SQOR: variants seen among roughly 807,000 people sequenced by gnomAD.
SQOR encodes sulfide:quinone oxidoreductase, mitochondrial.
Under a neutral mutation model 48.6 loss-of-function variants are expected in SQOR, and 39 were observed. The observed-to-expected ratio is 0.80, with a 90% CI of 0.62 to 1.05. SQOR has a LOEUF of 1.05. SQOR is among the 50% of genes least tolerant of loss of function. SQOR has a pLI of 0.00. For synonymous variants in SQOR, 220 were observed against 206.2 expected (o/e 1.07, Z -0.57); for missense variants, 561 against 559.9 (o/e 1.00, Z -0.02).
Position 45,691,209 on chromosome 15 carries a change from T to C in SQOR, c.*179T>C. 1.7e-6 allele frequency: 1 copy of C among 577,218 alleles called. No homozygotes were observed. Among genetic ancestry groups the C allele is most frequent in the Admixed American group, 3.1e-5 (1 of 32,776 alleles). 35.8% of individuals were successfully genotyped at this position (577,218 alleles called of 1,614,324 possible). A position where few individuals can be genotyped will look rare whatever the true frequency, so the allele number is the denominator to read the frequency against. ...GAACAGCAACCATGTGGGCTACTCA[T>C]GATGGGCTTGATTCTTTGGGAATAA... On this transcript the variant is annotated 3_prime_UTR_variant, in exon 10 of 10. Coordinates refer to ENST00000260324, the MANE Select transcript of SQOR (RefSeq NM_021199.4).
At chr15:45,646,918 C>A (rs549549009) in intron 1 of SQOR, among the ~76,000 whole-genome samples, 3 of 152,150 alleles carry the variant, frequency 2.0e-5, no homozygotes, top group East Asian at 1.9e-4. Context: ...AAAATTAAAT[C>A]AGTACTATTA....
chr15:45,645,653 T>A (rs574723284), intron 1 of SQOR, among the ~76,000 whole-genome samples: 67 of 152,342 alleles, frequency 4.4e-4, no homozygotes, highest in African/African-American at 1.5e-3. Context: ...AAACATGGCT[T>A]GTCCTGTGTC....
At chr15:45,689,344 C>T in intron 9 of SQOR, 127 bp downstream of exon 9, 1 of 794,296 alleles carries the variant, frequency 1.3e-6, no homozygotes, top group Non-Finnish European at 2.0e-6. Flanking sequence ...GCTCTAGGCC[C>T]TCTTTTGCTG....
chr15:45,643,082 T>C (rs1895134002), intron 1 of SQOR, among the ~76,000 whole-genome samples: 1 of 152,328 alleles, frequency 6.6e-6, no homozygotes, highest in East Asian at 1.9e-4. Flanking sequence ...TGTTTTCCCA[T>C]GTAAAGCCTC....
In SQOR at chr15:45,643,899, T is replaced by C. The variant is rs1327737372; in HGVS notation, c.-18+8791T>C. Among the ~76,000 whole-genome samples, 3 of 152,236 alleles carry C rather than the reference T, an allele frequency of 2.0e-5. No individual in the cohort carries two copies. The East Asian group carries it at 5.8e-4, about 29-fold the overall frequency. On this transcript the variant is annotated intron_variant, in intron 1 of 9. Coordinates refer to ENST00000260324, the MANE Select transcript of SQOR (RefSeq NM_021199.4). ...TTTCAATAGAATGGAGGATAGTATA[T>C]GACAAAGGAAAGGAAGGCCACGTGC...
intron 3 of SQOR, among the ~76,000 whole-genome samples, chr15:45,664,276 T>C (rs961819497): frequency 5.3e-5 from 8 of 152,356 alleles, no homozygotes; most frequent in African/African-American, 1.7e-4. Context: ...CAGGATGTTA[T>C]TGTTTTTAAT....
intron 2 of SQOR, 35 bp from the exon 3 acceptor site, chr15:45,661,920 A>C (rs747532344): frequency 3.3e-5 from 53 of 1,599,350 alleles, no homozygotes; most frequent in Non-Finnish European, 4.0e-5. Flanking sequence ...ATCAGTGTCA[A>C]ATTGCAATAA....
At chr15:45,674,916 G>A (rs565209390) in intron 5 of SQOR, among the ~76,000 whole-genome samples, 7 of 152,302 alleles carry the variant, frequency 4.6e-5, no homozygotes, top group Non-Finnish European at 8.8e-5. Flanking sequence ...GAAGGGTGGG[G>A]AAGAACGGGC....
upstream of SQOR, among the ~76,000 whole-genome samples, chr15:45,632,731 G>T (rs539718228): frequency 1.3e-5 from 2 of 152,122 alleles, no homozygotes; most frequent in South Asian, 2.1e-4. Context: ...CATAAATTTG[G>T]GAGAGAGTCT....
At chr15:45,681,748 A>C (rs1566923183) in intron 6 of SQOR, among the ~76,000 whole-genome samples, 1 of 152,176 alleles carries the variant, frequency 6.6e-6, no homozygotes, top group Admixed American at 6.5e-5. Flanking sequence ...TATTACATAA[A>C]CAAAAAAATT....
At chr15:45,650,391 C>T (rs1354485898) in intron 1 of SQOR, among the ~76,000 whole-genome samples, 1 of 152,172 alleles carries the variant, frequency 6.6e-6, no homozygotes, top group Non-Finnish European at 1.5e-5. Context: ...TTTGGAGTTT[C>T]TTTCTTCCTT....
rs1890243144 is a variant in SQOR at position 45,687,387 on chromosome 15, C to T, written c.1049-950C>T. Among the ~76,000 whole-genome samples the T allele has an allele frequency of 2.0e-5, 3 of 152,358 alleles. No homozygotes were observed. In the South Asian group the frequency reaches 6.2e-4, roughly 32 times the overall value. On this transcript the variant is annotated intron_variant, in intron 7 of 9. Coordinates refer to ENST00000260324, the MANE Select transcript of SQOR (RefSeq NM_021199.4). ...TCGGCCTCCCAAAGTGTTGGGATTA[C>T]AGGCATGAGCCACCATGCCCATCTG... is the stretch of plus-strand genomic sequence containing the variant.
intron 3 of SQOR, among the ~76,000 whole-genome samples, chr15:45,668,081 A>G (rs1446907935): frequency 6.6e-6 from 1 of 151,254 alleles, no homozygotes; most frequent in Non-Finnish European, 1.5e-5. Context: ...AGTAGCTGGG[A>G]CTACAGGCGC....
At chr15:45,680,015 C>T (rs1176327276) in intron 6 of SQOR, among the ~76,000 whole-genome samples, 1 of 152,200 alleles carries the variant, frequency 6.6e-6, no homozygotes, top group Non-Finnish European at 1.5e-5. Flanking sequence ...TTATCCTATA[C>T]AGTTACAGAA....
intron 9 of SQOR, among the ~76,000 whole-genome samples, chr15:45,690,082 C>CTTTT (rs11449007): frequency 0.11 from 15,409 of 136,766 alleles, 1,015 homozygotes; most frequent in Middle Eastern, 0.19. Flanking sequence ...CCTCTTCCTC[C>CTTTT]TTTTTTTTTT....
intron 4 of SQOR, among the ~76,000 whole-genome samples, 153 bp downstream of exon 4, chr15:45,670,134 A>G (rs1889913161): frequency 6.6e-6 from 1 of 152,222 alleles, no homozygotes; most frequent in South Asian, 2.1e-4. Flanking sequence ...TTACAGTTTT[A>G]AGGAAGTCTT....
intron 1 of SQOR, among the ~76,000 whole-genome samples, chr15:45,658,107 G>A (rs542506800): frequency 6.6e-5 from 10 of 152,282 alleles, no homozygotes; most frequent in African/African-American, 2.4e-4. Context: ...TCTCTCGGAG[G>A]AACTATTAAG....
intron 9 of SQOR, among the ~76,000 whole-genome samples, chr15:45,689,693 T>A (rs1890288468): frequency 6.6e-6 from 1 of 152,164 alleles, no homozygotes; most frequent in Non-Finnish European, 1.5e-5. Flanking sequence ...GTGTTGGGAT[T>A]ACAGGCATGA....
upstream of SQOR, among the ~76,000 whole-genome samples, chr15:45,632,352 T>C (rs970758726): frequency 3.3e-5 from 5 of 152,138 alleles, no homozygotes; most frequent in African/African-American, 1.2e-4. Context: ...CCCGAGTAGC[T>C]GGGACTACAG....
Sources: gnomAD v4.1 joint callset for allele counts (sites outside exome capture counted in the v4.1 genomes callset) on GRCh38, gnomAD v4.1.1 for gene constraint, MANE v1.5 for transcripts, NCBI Gene and HGNC (gene_info 2026-07-23, HGNC 2026-07-21) for gene names.